The following SIK3 variants were observed in gnomAD, a reference collection of about 807,000 sequenced individuals.
SIK3 encodes the protein SIK family kinase 3.
Under a neutral mutation model 144.2 loss-of-function variants are expected in SIK3, and 28 were observed. The observed-to-expected ratio is 0.19, with a 90% CI of 0.14 to 0.27. The LOEUF is 0.27. Ranked by LOEUF, SIK3 falls within the 10% of genes least tolerant of loss-of-function variation. The pLI is 1.00. For missense variants in SIK3, 1,319 were observed against 1,776.0 expected, an observed-to-expected ratio of 0.74 and a Z score of 4.62; for synonymous variants, 686 against 676.3, an observed-to-expected ratio of 1.01 and a Z score of -0.22.
intron 1 of SIK3, among the ~76,000 whole-genome samples, chr11:116,969,927 GA>G (rs1165631637): frequency 6.6e-6 from 1 of 152,142 alleles, no homozygotes; most frequent in African/African-American, 2.4e-5. Context: ...GTGACCTTGG[GA>G]AAATCACTTT....
chr11:117,017,162 T>C (rs1951574914), intron 1 of SIK3, among the ~76,000 whole-genome samples: 1 of 152,034 alleles, frequency 6.6e-6, no homozygotes. Flanking sequence ...AAGGCTGAGG[T>C]GGGAGAATCA....
At chr11:116,967,907 G>C (rs1177301640) in intron 1 of SIK3, among the ~76,000 whole-genome samples, 1 of 152,192 alleles carries the variant, frequency 6.6e-6, no homozygotes, top group African/African-American at 2.4e-5. Context: ...AGCGCTGACA[G>C]ATAATGCCCC....
chr11:116,950,513 G>T (rs759714237), intron 3 of SIK3, among the ~76,000 whole-genome samples: 6 of 152,178 alleles, frequency 3.9e-5, no homozygotes, highest in Admixed American at 3.3e-4. Flanking sequence ...GCACAATGAT[G>T]AAGTTCCCTC....
chr11:116,859,009 AAGCAAATAATAAGGT>A (rs113338925), intron 20 of SIK3, among the ~76,000 whole-genome samples: 10 of 152,288 alleles, frequency 6.6e-5, no homozygotes, highest in Admixed American at 2.6e-4. Context: ...TCTTCTTTGC[AAGCAAATAATAAGGT>A]AGCAAATAAT....
intron 1 of SIK3, among the ~76,000 whole-genome samples, chr11:117,071,416 G>A (rs17120280): frequency 0.17 from 26,170 of 151,570 alleles, 2,407 homozygotes; most frequent in Admixed American, 0.22. Context: ...TGAAGGCAGG[G>A]CAGACTAGAT....
At chr11:116,860,178 A>G (rs1265151283) in intron 19 of SIK3, among the ~76,000 whole-genome samples, 1 of 150,352 alleles carries the variant, frequency 6.7e-6, no homozygotes, top group Non-Finnish European at 1.5e-5. Context: ...CCGGAGGTGG[A>G]GGTTGCAGTG....
chr11:116,940,524 C>T (rs1948230758), intron 3 of SIK3, among the ~76,000 whole-genome samples: 1 of 151,990 alleles, frequency 6.6e-6, no homozygotes, highest in South Asian at 2.1e-4. Flanking sequence ...AGCCACCATG[C>T]CTGGCCCTTT....
At chr11:116,922,420 G>C (rs767892612) in intron 4 of SIK3, among the ~76,000 whole-genome samples, 1 of 152,150 alleles carries the variant, frequency 6.6e-6, no homozygotes, top group Non-Finnish European at 1.5e-5. Context: ...GAGCCCAGGA[G>C]GCTGAGGTTG....
At chr11:116,955,799 G>A (rs1421457129) in intron 2 of SIK3, among the ~76,000 whole-genome samples, 3 of 152,146 alleles carry the variant, frequency 2.0e-5, no homozygotes, top group African/African-American at 7.2e-5. Flanking sequence ...AATTTAGGCT[G>A]ATAAATTTCA....
chr11:116,918,472 T>A (rs79530380), intron 4 of SIK3, among the ~76,000 whole-genome samples: 13,376 of 150,310 alleles, frequency 0.089, 774 homozygotes, highest in South Asian at 0.15. Context: ...ATTCCCAACC[T>A]CTCATTCCCC....
chr11:116,931,005 G>A (rs1057232398), intron 3 of SIK3, among the ~76,000 whole-genome samples: 1 of 152,198 alleles, frequency 6.6e-6, no homozygotes, highest in Admixed American at 6.5e-5. Flanking sequence ...TGTTTCAAGT[G>A]CTTTTCAAAA....
intron 1 of SIK3, among the ~76,000 whole-genome samples, chr11:117,041,467 T>C (rs1367962999): frequency 3.9e-5 from 6 of 152,260 alleles, no homozygotes; most frequent in African/African-American, 1.4e-4. Flanking sequence ...CCCAAACTTA[T>C]TTAATAAAAA....
At position 117,066,524 on chromosome 11, in the gene SIK3, A is replaced by G. The variant is rs76317138; in HGVS notation, c.273+31619T>C. On this transcript the variant is annotated intron_variant, in intron 1 of 24. Transcript: ENST00000445177. ...AAGAATTCTCAATATTCAACTATAAAGAAACAATCCTTTTTTTTTTTTTTT... is the reference window on the plus strand; with the variant it reads ...AAGAATTCTCAATATTCAACTATAAGGAAACAATCCTTTTTTTTTTTTTTT... Among the ~76,000 whole-genome samples the G allele has an allele frequency of 6.9e-4, 101 of 146,764 alleles. 1 individual carries two copies. Among genetic ancestry groups the G allele is most frequent in the African/African-American group, 2.4e-3 (96 of 40,102 alleles).
At chr11:116,866,398 T>C (rs1388901882) in intron 15 of SIK3, among the ~76,000 whole-genome samples, 4 of 151,196 alleles carry the variant, frequency 2.6e-5, no homozygotes, top group South Asian at 2.1e-4. Flanking sequence ...AGGAAACGTA[T>C]AGGGGAGGAG....
intron 8 of SIK3, 96 bp from the exon 9 acceptor site, chr11:116,876,105 C>T: frequency 6.5e-7 from 1 of 1,538,264 alleles, no homozygotes; most frequent in Non-Finnish European, 8.9e-7. Flanking sequence ...AAAGCACCTT[C>T]TTTCCTTCTT....
At chr11:116,870,895 A>G (rs751394236) in intron 13 of SIK3, among the ~76,000 whole-genome samples, 12 of 152,294 alleles carry the variant, frequency 7.9e-5, no homozygotes, top group Admixed American at 2.6e-4. Flanking sequence ...GCAGAAGAAA[A>G]GAGAAGGCCT....
intron 4 of SIK3, among the ~76,000 whole-genome samples, chr11:116,905,594 C>T (rs1394909625): frequency 6.6e-6 from 1 of 152,240 alleles, no homozygotes; most frequent in Non-Finnish European, 1.5e-5. Context: ...TCCAATTTCT[C>T]CACATCTTTG....
chr11:117,089,168 G>A (rs548262112), intron 1 of SIK3, among the ~76,000 whole-genome samples: 205 of 152,126 alleles, frequency 1.3e-3, no homozygotes, highest in Non-Finnish European at 2.3e-3. Flanking sequence ...CACTTTGGGA[G>A]GCTGAGGCGG....
At position 116,867,953 on chromosome 11, in the gene SIK3, G is replaced by C. The variant is rs1190149132; in HGVS notation, c.1945C>G (p.Gln649Glu). ...GCTCATGTGGCTACTCACCGATGCT[G>C]ATCAGGTACCAGGTGAGGAGGCCAG... The part of the protein sequence containing the change: ...RVWPPHLVPD[Q>E]HRSTYKDSNT... The change falls in exon 15 of 25, where the codon CAG becomes GAG. Residue 649 changes from glutamine (Q) to glutamate (E), a missense_variant. Coordinates refer to ENST00000445177, the MANE Select transcript of SIK3 (RefSeq NM_001366686.3). The surrounding 1 kb of genome is among the most constrained non-coding windows in gnomAD (Gnocchi z 4.1). The C allele has an allele frequency of 1.9e-6, 3 of 1,543,244 alleles. No homozygotes were observed. Among genetic ancestry groups the C allele is most frequent in the Non-Finnish European group, 2.6e-6 (3 of 1,142,856 alleles).
Sources: gnomAD v4.1 joint callset for allele counts (sites outside exome capture counted in the v4.1 genomes callset) on GRCh38, gnomAD v4.1.1 for gene constraint, Gnocchi (gnomAD v3.1) non-coding constraint, MANE v1.5 for transcripts, NCBI Gene and HGNC (gene_info 2026-07-23, HGNC 2026-07-21) for gene names.